The following ARHGEF37 variants were observed in gnomAD, a reference collection of about 807,000 sequenced individuals.
ARHGEF37 encodes Rho guanine nucleotide exchange factor 37.
Under a neutral mutation model 71.1 loss-of-function variants are expected in ARHGEF37, and 55 were observed. The observed-to-expected ratio is 0.77, with a 90% CI of 0.62 to 0.97. The LOEUF (loss-of-function observed/expected upper bound fraction) is 0.97. ARHGEF37 is among the 50% of genes least tolerant of loss of function. The probability of loss-of-function intolerance (pLI) is 0.00; values close to 1 mark genes in which losing one functional copy is unlikely to be tolerated. For missense variants in ARHGEF37, 765 were observed against 836.8 expected, an observed-to-expected ratio of 0.91 and a Z score of 1.06; for synonymous variants, 327 against 350.6, an observed-to-expected ratio of 0.93 and a Z score of 0.75.
intron 5 of ARHGEF37, among the ~76,000 whole-genome samples, chr5:149,616,984 T>C (rs1034221596): frequency 6.6e-6 from 1 of 152,216 alleles, no homozygotes; most frequent in Non-Finnish European, 1.5e-5. Flanking sequence ...AGCTTCATCT[T>C]CAGGCTGGCT....
At chr5:149,607,653 A>G (rs1363796853) in intron 3 of ARHGEF37, among the ~76,000 whole-genome samples, 1 of 150,682 alleles carries the variant, frequency 6.6e-6, no homozygotes, top group African/African-American at 2.5e-5. Context: ...TGGTTCTTAC[A>G]GGTTTTGGGA....
chr5:149,628,337 A>T (rs1397538949), intron 11 of ARHGEF37, among the ~76,000 whole-genome samples: 2 of 152,242 alleles, frequency 1.3e-5, no homozygotes, highest in African/African-American at 2.4e-5. Context: ...TCAGGAAGTG[A>T]TAGCCATTCA....
At chr5:149,630,548 G>T (rs1478336601) in intron 12 of ARHGEF37, among the ~76,000 whole-genome samples, 1 of 152,138 alleles carries the variant, frequency 6.6e-6, no homozygotes, top group South Asian at 2.1e-4. Flanking sequence ...AGGCTGTCAG[G>T]CCAGCATCCT....
intron 1 of ARHGEF37, among the ~76,000 whole-genome samples, chr5:149,565,829 ATTTTTTTTTTTTTTTTTTTTTTT>A (rs201683478): frequency 2.6e-4 from 22 of 84,548 alleles, no homozygotes; most frequent in Non-Finnish European, 2.4e-4. Context: ...AGAAACTCTA[ATTTTTTTTTTTTTTTTTTTTTTT>A]TTTTTTTTTT....
At chr5:149,565,959 C>T (rs1346112651) in intron 1 of ARHGEF37, among the ~76,000 whole-genome samples, 1 of 148,154 alleles carries the variant, frequency 6.7e-6, no homozygotes, top group Non-Finnish European at 1.5e-5. Context: ...AAGCAATTCA[C>T]CTGTCTCAGC....
chr5:149,624,925 G>GTTTTTTTTTTT, intron 10 of ARHGEF37, among the ~76,000 whole-genome samples: 1 of 141,234 alleles, frequency 7.1e-6, no homozygotes, highest in Non-Finnish European at 1.5e-5. Context: ...TTGAGATGGA[G>GTTTTTTTTTTT]TTTCACACTG....
At chr5:149,616,296 C>T (rs988599753) in intron 4 of ARHGEF37, among the ~76,000 whole-genome samples, 3 of 152,078 alleles carry the variant, frequency 2.0e-5, no homozygotes, top group Non-Finnish European at 4.4e-5. Flanking sequence ...TGTAGTCAGT[C>T]GTGTCTGCTG....
At chr5:149,575,349 A>G (rs1293143039) in intron 1 of ARHGEF37, among the ~76,000 whole-genome samples, 1 of 152,210 alleles carries the variant, frequency 6.6e-6, no homozygotes, top group Non-Finnish European at 1.5e-5. Context: ...CTGTTGTAGC[A>G]GACACCGTTG....
At chr5:149,586,234 GAAGTA>G (rs33975902) in intron 1 of ARHGEF37, among the ~76,000 whole-genome samples, 41,125 of 151,788 alleles carry the variant, frequency 0.27, 6,183 homozygotes, top group African/African-American at 0.41. Context: ...TTCAAGCAGA[GAAGTA>G]AAGTGACAAA....
Position 149,566,007 on chromosome 5 carries a change from G to A in ARHGEF37, c.-12+13884G>A, listed in dbSNP as rs149277530. 3.1e-3 allele frequency among the ~76,000 whole-genome samples: 461 copies of A among 151,144 alleles called. 3 individuals carry two copies. Among genetic ancestry groups the A allele is most frequent in the African/African-American group, 0.011 (437 of 41,398 alleles). On this transcript the variant is annotated intron_variant, in intron 1 of 2. Coordinates refer to the ARHGEF37 transcript ENST00000505810. ...TTGGATTACAGGCATGTGCCACCACGCCTGGCTTTTTTATATTTAGTAGAG... is the reference window on the plus strand; with the variant it reads ...TTGGATTACAGGCATGTGCCACCACACCTGGCTTTTTTATATTTAGTAGAG...
Position 149,621,568 on chromosome 5 carries a change from A to T in ARHGEF37, c.1006-165A>T, listed in dbSNP as rs980455545. Among the ~76,000 whole-genome samples, 6 of 152,154 alleles carry T rather than the reference A, an allele frequency of 3.9e-5. No individual in the cohort carries two copies. The East Asian group carries it at 1.2e-3, about 29-fold the overall frequency. Reference sequence around the variant, plus strand: ...TACATGCATCGTCCCCATTTTTCAGATGGGCAGATTGAGGCCCAGAGAAGT... The same window carrying T: ...TACATGCATCGTCCCCATTTTTCAGTTGGGCAGATTGAGGCCCAGAGAAGT... On this transcript the variant is annotated intron_variant, in intron 8 of 12. Transcript: ENST00000333677.
chr5:149,589,237 T>G (rs1279281026), intron 1 of ARHGEF37, among the ~76,000 whole-genome samples: 6 of 152,160 alleles, frequency 3.9e-5, no homozygotes, highest in Admixed American at 2.6e-4. Flanking sequence ...CTTGTTACTT[T>G]TCTCTCTTGA....
chr5:149,597,996 C>G, intron 2 of ARHGEF37, 41 bp downstream of exon 2: 7 of 1,504,712 alleles, frequency 4.7e-6, no homozygotes, highest in Non-Finnish European at 6.2e-6. Context: ...TTTATAGGGG[C>G]AAATGTGGGT....
chr5:149,605,169 G>A (rs184398038), intron 3 of ARHGEF37, among the ~76,000 whole-genome samples: 1 of 150,188 alleles, frequency 6.7e-6, no homozygotes, highest in East Asian at 2.0e-4. Flanking sequence ...GGAGGTGGCA[G>A]TGAGCCGAGA....
At chr5:149,584,159 C>A (rs1763174203) in intron 1 of ARHGEF37, among the ~76,000 whole-genome samples, 1 of 152,086 alleles carries the variant, frequency 6.6e-6, no homozygotes, top group Non-Finnish European at 1.5e-5. Context: ...GATGACAGAG[C>A]CTGGGCAGAC....
chr5:149,579,987 T>G (rs1763076971), upstream of ARHGEF37, among the ~76,000 whole-genome samples: 1 of 152,242 alleles, frequency 6.6e-6, no homozygotes, highest in Non-Finnish European at 1.5e-5. Flanking sequence ...TGGTGGCCTC[T>G]AAGATCATAC....
Position 149,600,803 on chromosome 5 carries a change from C to A in ARHGEF37, c.187-305C>A, listed in dbSNP as rs138830737. On this transcript the variant is annotated intron_variant, in intron 2 of 12. Transcript: ENST00000333677. ...TACAAGCACCCACCACCATGCCGAG[C>A]TAATTTTTGTATTTTTAGTAGAGAT... 1.2e-3 allele frequency among the ~76,000 whole-genome samples: 183 copies of A among 152,224 alleles called. 3 individuals carry two copies. In the East Asian group the frequency reaches 0.025, roughly 20 times the overall value.
chr5:149,565,627 T>A (rs1437279699), intron 1 of ARHGEF37, among the ~76,000 whole-genome samples: 2 of 152,186 alleles, frequency 1.3e-5, no homozygotes, highest in Non-Finnish European at 2.9e-5. Context: ...GCTTATTTAT[T>A]GAATACCACT....
chr5:149,602,438 T>C (rs569135137), intron 3 of ARHGEF37, among the ~76,000 whole-genome samples: 6 of 152,002 alleles, frequency 3.9e-5, no homozygotes, highest in Admixed American at 2.6e-4. Context: ...GCGAGATCAG[T>C]TGGGGGCTTT....
Sources: gnomAD v4.1 joint callset for allele counts (sites outside exome capture counted in the v4.1 genomes callset) on GRCh38, gnomAD v4.1.1 for gene constraint, MANE v1.5 for transcripts, NCBI Gene and HGNC (gene_info 2026-07-23, HGNC 2026-07-21) for gene names.